Variants in OCA2 observed in about 807,000 individuals in gnomAD.
OCA2 encodes P protein.
OCA2 carries 77 observed loss-of-function variants against 100.2 expected under a neutral mutation model. The observed-to-expected ratio is 0.77, with a 90% confidence interval of 0.64 to 0.93. The LOEUF is 0.93. OCA2 is among the 40% of genes least tolerant of loss of function. The pLI is 0.00. For missense variants in OCA2, 1,062 were observed against 1,089.1 expected, an observed-to-expected ratio of 0.98 and a Z score of 0.35; for synonymous variants, 432 against 439.2, an observed-to-expected ratio of 0.98 and a Z score of 0.21.
chr15:27,810,395 A>G (rs921934133), intron 23 of OCA2, among the ~76,000 whole-genome samples: 1 of 152,254 alleles, frequency 6.6e-6, no homozygotes, highest in Non-Finnish European at 1.5e-5. Context: ...ATGTGAAATC[A>G]TAAACATTCT....
At chr15:28,088,956 G>A (rs750153674) in intron 1 of OCA2, among the ~76,000 whole-genome samples, 8 of 152,258 alleles carry the variant, frequency 5.3e-5, no homozygotes, top group Middle Eastern at 3.4e-3. Flanking sequence ...GGAGCACTAC[G>A]GGAGACCAGG....
intron 22 of OCA2, among the ~76,000 whole-genome samples, chr15:27,851,120 C>CG (rs1286597044): frequency 1.3e-5 from 2 of 152,142 alleles, no homozygotes; most frequent in Non-Finnish European, 2.9e-5. Context: ...AGGCACACGG[C>CG]GGGAACACAT....
At chr15:28,025,460 G>A (rs1043984044) in intron 4 of OCA2, among the ~76,000 whole-genome samples, 3 of 152,196 alleles carry the variant, frequency 2.0e-5, no homozygotes, top group East Asian at 3.9e-4. Context: ...AAGCCATCCC[G>A]GCCCCCTTAC....
At position 28,038,081 on chromosome 15, in the gene OCA2, T is replaced by C. The variant is rs12050608; in HGVS notation, c.228-5918A>G. Among the ~76,000 whole-genome samples, 9,083 of 151,730 alleles carry C rather than the reference T, an allele frequency of 0.06. 1,293 individuals are homozygous for C. In the East Asian group the frequency reaches 0.66, roughly 11 times the overall value. On this transcript the variant is annotated intron_variant, in intron 2 of 23. Coordinates refer to ENST00000354638, the MANE Select transcript of OCA2 (RefSeq NM_000275.3). Reference sequence around the variant, plus strand: ...CTGTATCCCTATGTACTCTTCTCTCTTCTCCTCTCTTTCTCTCTCCCTCTC... The same window carrying C: ...CTGTATCCCTATGTACTCTTCTCTCCTCTCCTCTCTTTCTCTCTCCCTCTC...
chr15:27,870,325 G>T (rs1473492121), intron 21 of OCA2, among the ~76,000 whole-genome samples: 3 of 152,234 alleles, frequency 2.0e-5, no homozygotes, highest in African/African-American at 7.2e-5. Context: ...TCTGGCCTGT[G>T]CCCTGCACAC....
chr15:27,961,014 C>T (rs2040393858), intron 15 of OCA2, among the ~76,000 whole-genome samples: 1 of 151,794 alleles, frequency 6.6e-6, no homozygotes, highest in African/African-American at 2.4e-5. Context: ...AGTGAACAGG[C>T]AACCTATAGA....
intron 2 of OCA2, among the ~76,000 whole-genome samples, chr15:28,057,760 TA>T (rs2043747535): frequency 6.6e-6 from 1 of 152,168 alleles, no homozygotes; most frequent in South Asian, 2.1e-4. Flanking sequence ...GTAAGACAGG[TA>T]AGCAGCCGCT....
intron 19 of OCA2, among the ~76,000 whole-genome samples, chr15:27,898,918 G>GA (rs2037814794): frequency 6.6e-6 from 1 of 152,058 alleles, no homozygotes; most frequent in Non-Finnish European, 1.5e-5. Flanking sequence ...ATCTTTTCCA[G>GA]AAGATAAAAC....
chr15:27,997,019 A>G lies in OCA2; in HGVS notation c.1045-6372T>C, dbSNP rs1595787884. Among the ~76,000 whole-genome samples the G allele has an allele frequency of 1.9e-5, 2 of 104,288 alleles. 1 individual carries two copies. The highest frequency in any genetic ancestry group is 4.4e-4 in the East Asian group (2 of 4,502). The allele number at this position is 104,288 out of a possible 152,430, so 68.4% of individuals were successfully genotyped here. A position where few individuals can be genotyped will look rare whatever the true frequency, so the allele number is the denominator to read the frequency against. ...AAAAGAAGAGAGAAAGAGAGAAAGA[A>G]AGAAAGAAAGAGAGAGAGAGAGAAA... is the stretch of plus-strand genomic sequence containing the variant. On this transcript the variant is annotated intron_variant, in intron 9 of 23. Coordinates refer to ENST00000354638, the MANE Select transcript of OCA2 (RefSeq NM_000275.3).
At chr15:27,733,880 A>G in the OCA2 span, among the ~76,000 whole-genome samples, 1 of 151,932 alleles carries the variant, frequency 6.6e-6, no homozygotes, top group Non-Finnish European at 1.5e-5. Context: ...TTATATGAGA[A>G]GCCAGGTACA....
the OCA2 span, among the ~76,000 whole-genome samples, chr15:27,730,733 A>ATATATTTT: frequency 3.0e-3 from 1 of 332 alleles, no homozygotes; most frequent in African/African-American, 7.9e-3. Context: ...AAAAGACCAA[A>ATATATTTT]TATATATATA....
chr15:27,814,941 T>TAGAG (rs2034234509), intron 23 of OCA2, among the ~76,000 whole-genome samples: 1 of 85,494 alleles, frequency 1.2e-5, no homozygotes, highest in Admixed American at 1.1e-4. Flanking sequence ...GATAGATAGA[T>TAGAG]AGATACAGAG....
intron 19 of OCA2, among the ~76,000 whole-genome samples, chr15:27,901,449 A>G (rs547319010): frequency 6.6e-6 from 1 of 152,304 alleles, no homozygotes; most frequent in Non-Finnish European, 1.5e-5. Context: ...ACAGGTGATC[A>G]CAGGCCACTA....
chr15:28,079,378 G>C (rs1168574762), intron 2 of OCA2, among the ~76,000 whole-genome samples: 1 of 151,024 alleles, frequency 6.6e-6, no homozygotes, highest in African/African-American at 2.4e-5. Context: ...GTAACCTTTA[G>C]CCTGAGATGA....
At chr15:27,724,704 T>C in the OCA2 span, among the ~76,000 whole-genome samples, 1 of 152,124 alleles carries the variant, frequency 6.6e-6, no homozygotes, top group East Asian at 1.9e-4. Context: ...GGCCCTAGTC[T>C]TACAGTGACT....
intron 19 of OCA2, among the ~76,000 whole-genome samples, chr15:27,897,017 T>C (rs1055231529): frequency 6.6e-6 from 1 of 151,954 alleles, no homozygotes; most frequent in Non-Finnish European, 1.5e-5. Flanking sequence ...AGTGAAACCC[T>C]GTCTCTACTA....
At chr15:27,949,101 GAGAA>G (rs1411998032) in intron 18 of OCA2, among the ~76,000 whole-genome samples, 1 of 152,122 alleles carries the variant, frequency 6.6e-6, no homozygotes. Flanking sequence ...AAAAAATAAA[GAGAA>G]AGAGTCAATG....
At chr15:27,790,986 G>C in intron 23 of OCA2, among the ~76,000 whole-genome samples, 1 of 136,406 alleles carries the variant, frequency 7.3e-6, no homozygotes, top group African/African-American at 2.5e-5. Flanking sequence ...ATAGGGTCTT[G>C]CTATGTTACT....
intron 23 of OCA2, among the ~76,000 whole-genome samples, chr15:27,761,879 C>A (rs1487169510): frequency 6.6e-6 from 1 of 152,144 alleles, no homozygotes; most frequent in East Asian, 1.9e-4. Context: ...GTCTGGAGCG[C>A]ATTGGCGTCA....
Sources: allele counts gnomAD v4.1 joint callset (sites outside exome capture counted in the v4.1 genomes callset), GRCh38; gene constraint gnomAD v4.1.1; transcripts MANE v1.5; gene names NCBI Gene and HGNC (gene_info 2026-07-23, HGNC 2026-07-21).